The following DENND1A variants were observed in gnomAD, a reference collection of about 807,000 sequenced individuals.
DENND1A encodes DENN domain containing 1A.
Under a neutral mutation model 113.7 loss-of-function variants are expected in DENND1A, and 51 were observed. That is an observed-to-expected ratio of 0.45 (90% CI 0.36 to 0.57). The LOEUF (loss-of-function observed/expected upper bound fraction) is 0.57. DENND1A is among the 20% of genes least tolerant of loss of function. DENND1A has a pLI of 0.00. For missense variants in DENND1A, 1,258 were observed against 1,395.9 expected (o/e 0.90, Z 1.57); for synonymous variants, 565 against 570.8 (o/e 0.99, Z 0.14).
At chr9:123,433,784 G>A (rs1217638115) in intron 19 of DENND1A, among the ~76,000 whole-genome samples, 2 of 151,972 alleles carry the variant, frequency 1.3e-5, no homozygotes, top group African/African-American at 4.8e-5. Flanking sequence ...TGCTTGCTTC[G>A]CTTGATGTGA....
intron 1 of DENND1A, among the ~76,000 whole-genome samples, chr9:123,890,754 A>G (rs1170654879): frequency 6.6e-6 from 1 of 152,244 alleles, no homozygotes; most frequent in African/African-American, 2.4e-5. Flanking sequence ...TGTAAGAGAT[A>G]GAGCTGGAAT....
At chr9:123,513,255 T>A (rs534545527) in intron 13 of DENND1A, among the ~76,000 whole-genome samples, 16 of 152,330 alleles carry the variant, frequency 1.1e-4, no homozygotes, top group African/African-American at 3.8e-4. Flanking sequence ...GCACACTGAA[T>A]GGAGCTCAGG....
chr9:123,661,807 A>G (rs940705230), intron 8 of DENND1A, among the ~76,000 whole-genome samples: 6 of 152,240 alleles, frequency 3.9e-5, no homozygotes, highest in Non-Finnish European at 7.3e-5. Context: ...GCAGAAGTAA[A>G]TTTCCAAAGA....
chr9:123,852,069 T>C (rs543726589), intron 2 of DENND1A, among the ~76,000 whole-genome samples: 1 of 152,330 alleles, frequency 6.6e-6, no homozygotes, highest in African/African-American at 2.4e-5. Flanking sequence ...TGCCTCCTGC[T>C]GGCCCCCTTT....
chr9:123,448,596 T>C (rs1002159368), intron 18 of DENND1A, among the ~76,000 whole-genome samples: 4 of 152,242 alleles, frequency 2.6e-5, no homozygotes, highest in Non-Finnish European at 4.4e-5. Flanking sequence ...GCAACTGGGA[T>C]GGGAGATAAA....
chr9:123,416,637 C>T (rs1403453923), intron 19 of DENND1A, among the ~76,000 whole-genome samples: 1 of 152,190 alleles, frequency 6.6e-6, no homozygotes, highest in Non-Finnish European at 1.5e-5. Flanking sequence ...GAGTTCAATT[C>T]GACAGTTCCT....
At chr9:123,786,039 C>G (rs1304158810) in intron 3 of DENND1A, among the ~76,000 whole-genome samples, 1 of 151,902 alleles carries the variant, frequency 6.6e-6, no homozygotes, top group Non-Finnish European at 1.5e-5. Context: ...ATGATGAAAC[C>G]CCATCTCTAC....
At chr9:123,886,565 G>T (rs1247201347) in intron 1 of DENND1A, among the ~76,000 whole-genome samples, 1 of 152,172 alleles carries the variant, frequency 6.6e-6, no homozygotes, top group Non-Finnish European at 1.5e-5. Flanking sequence ...ATGGTCAAAA[G>T]AAACTGTATA....
chr9:123,853,310 G>A (rs1843654836), intron 2 of DENND1A, among the ~76,000 whole-genome samples: 1 of 151,948 alleles, frequency 6.6e-6, no homozygotes, highest in Non-Finnish European at 1.5e-5. Flanking sequence ...TAGAAGCGGG[G>A]GAGAAAATAT....
intron 1 of DENND1A, among the ~76,000 whole-genome samples, chr9:123,913,680 T>C (rs143044173): frequency 0.038 from 5,798 of 151,810 alleles, 121 homozygotes; most frequent in Middle Eastern, 0.048. Flanking sequence ...ACGAGGTGGG[T>C]GGATCACCTG....
chr9:123,396,202 C>G (rs1219541742), intron 21 of DENND1A, among the ~76,000 whole-genome samples: 1 of 152,184 alleles, frequency 6.6e-6, no homozygotes, highest in Non-Finnish European at 1.5e-5. Context: ...GGCCTTTTCC[C>G]CAGCCACGCT....
At position 123,564,446 on chromosome 9, in the gene DENND1A, T is replaced by C. The variant is rs550070000; in HGVS notation, c.868-6751A>G. ...AAGGCCCCGTTTGATTTGGCCAGTC[T>C]CTGAGATGAGAGGCTCTTGCATCCT... On this transcript the variant is annotated intron_variant, in intron 12 of 23. Transcript: ENST00000394215. Among the ~76,000 whole-genome samples the C allele has an allele frequency of 2.6e-5, 4 of 152,372 alleles. No homozygotes were observed. In the South Asian group the frequency reaches 8.3e-4, roughly 32 times the overall value.
intron 5 of DENND1A, among the ~76,000 whole-genome samples, chr9:123,726,037 C>T (rs756218181): frequency 1.3e-5 from 2 of 152,180 alleles, no homozygotes; most frequent in African/African-American, 4.8e-5. Context: ...TGAATGCAGA[C>T]CTTAAATATC....
At chr9:123,402,990 T>A (rs970750361) in intron 21 of DENND1A, among the ~76,000 whole-genome samples, 2 of 152,046 alleles carry the variant, frequency 1.3e-5, no homozygotes, top group Non-Finnish European at 2.9e-5. Context: ...GGGCAGTGGA[T>A]GAGGGCAGTC....
intron 9 of DENND1A, among the ~76,000 whole-genome samples, chr9:123,648,275 CT>C (rs1395895025): frequency 6.6e-6 from 1 of 152,230 alleles, no homozygotes; most frequent in African/African-American, 2.4e-5. Context: ...AGGGCTCTCA[CT>C]GTGTTGCCCA....
At chr9:123,911,753 C>A (rs1017582720) in intron 1 of DENND1A, among the ~76,000 whole-genome samples, 2 of 150,768 alleles carry the variant, frequency 1.3e-5, no homozygotes, top group African/African-American at 4.9e-5. Context: ...TGCAGTGGTG[C>A]GATCTTGGCT....
At chr9:123,651,727 T>A (rs1380244395) in intron 9 of DENND1A, among the ~76,000 whole-genome samples, 2 of 152,178 alleles carry the variant, frequency 1.3e-5, no homozygotes, top group Non-Finnish European at 2.9e-5. Context: ...AAATATGGTG[T>A]AGACATTAAA....
At chr9:123,887,506 G>A (rs984110510) in intron 1 of DENND1A, among the ~76,000 whole-genome samples, 1 of 151,958 alleles carries the variant, frequency 6.6e-6, no homozygotes, top group Non-Finnish European at 1.5e-5. Context: ...GCAGAATGAG[G>A]GGGTACCCAT....
Position 123,929,908 on chromosome 9 carries a change from TCC to T in DENND1A, c.-5_-4del. ...ACTCACTTGATCCTGGAGCCCATGGTCCCCAGGCCTCCTCATGGGCCCGCGGG... is the reference window on the plus strand; with the variant it reads ...ACTCACTTGATCCTGGAGCCCATGGTCCAGGCCTCCTCATGGGCCCGCGGG... On this transcript the variant is annotated 5_prime_UTR_variant, in exon 1 of 24. Coordinates refer to ENST00000394215, the MANE Select transcript of DENND1A (RefSeq NM_001352964.2). The T allele has an allele frequency of 3.0e-6, 1 of 331,266 alleles. No individual in the cohort carries two copies. The highest frequency in any genetic ancestry group is 5.6e-6 in the Non-Finnish European group (1 of 178,508). 20.5% of individuals were successfully genotyped at this position (331,266 alleles called of 1,614,324 possible). A position where few individuals can be genotyped will look rare whatever the true frequency, so the allele number is the denominator to read the frequency against.
Sources: gnomAD v4.1 joint callset for allele counts (sites outside exome capture counted in the v4.1 genomes callset) on GRCh38, gnomAD v4.1.1 for gene constraint, MANE v1.5 for transcripts, NCBI Gene and HGNC (gene_info 2026-07-23, HGNC 2026-07-21) for gene names.